Variants in TMTC2 observed in about 807,000 individuals in gnomAD.
The protein encoded by TMTC2 is transmembrane O-mannosyltransferase targeting cadherins 2.
TMTC2 carries 43 observed loss-of-function variants against 82.4 expected under a neutral mutation model. The ratio of observed to expected loss-of-function variants is 0.52; its 90% CI spans 0.41 to 0.67. TMTC2 has a LOEUF of 0.67. TMTC2 is among the 30% of genes least tolerant of loss of function. The probability of loss-of-function intolerance (pLI) is 0.00; values close to 1 mark genes in which losing one functional copy is unlikely to be tolerated. For missense variants in TMTC2, 919 were observed against 1,012.4 expected (o/e 0.91, Z 1.25); for synonymous variants, 408 against 381.9 (o/e 1.07, Z -0.80).
intron 9 of TMTC2, among the ~76,000 whole-genome samples, chr12:83,040,886 G>A (rs1190116537): frequency 6.6e-6 from 1 of 151,852 alleles, no homozygotes. Flanking sequence ...GGGGATCACC[G>A]TGTTAGCCAG....
intron 4 of TMTC2, among the ~76,000 whole-genome samples, chr12:82,954,874 G>C (rs1241014064): frequency 6.6e-6 from 1 of 152,106 alleles, no homozygotes; most frequent in Non-Finnish European, 1.5e-5. Context: ...GTGCTTTTCT[G>C]TTTAATTTTT....
rs1177550441 is a variant in TMTC2 at position 83,067,591 on chromosome 12, T to A, written c.2331+5760T>A. ...AACTTTAGGTAGTAAATTATTTAAG[T>A]TATGGTCATTTGGTTATCTGCTAAT... is the stretch of plus-strand genomic sequence containing the variant. On this transcript the variant is annotated intron_variant, in intron 11 of 11. Coordinates refer to ENST00000321196, the MANE Select transcript of TMTC2 (RefSeq NM_152588.3). Among the ~76,000 whole-genome samples, 3 of 152,114 alleles carry A rather than the reference T, an allele frequency of 2.0e-5. No homozygotes were observed. The East Asian group carries it at 5.8e-4, about 29-fold the overall frequency.
At chr12:82,894,337 G>A (rs906220720) in intron 2 of TMTC2, among the ~76,000 whole-genome samples, 1 of 152,172 alleles carries the variant, frequency 6.6e-6, no homozygotes, top group African/African-American at 2.4e-5. Context: ...AATTAGTTCT[G>A]TGGCTTCCAG....
chr12:82,898,571 G>A (rs995747496), intron 3 of TMTC2, among the ~76,000 whole-genome samples: 3 of 152,134 alleles, frequency 2.0e-5, no homozygotes, highest in Admixed American at 6.6e-5. Flanking sequence ...ATAAGATGGC[G>A]CCATGGGTTC....
rs368564245 is a variant in TMTC2 at position 82,868,678 on chromosome 12, C to T, written c.654+11098C>T. On this transcript the variant is annotated intron_variant, in intron 2 of 11. Transcript: ENST00000321196. The stretch of plus-strand genomic sequence containing the variant: ...AGCAGTAGTTCAGTAACTGCAATAG[C>T]TTGCAGGTTCAAGTCTCTCTCTTTT... Among the ~76,000 whole-genome samples, 39 of 148,024 alleles carry T rather than the reference C, an allele frequency of 2.6e-4. 1 individual carries two copies. In the East Asian group the frequency reaches 7.5e-3, roughly 29 times the overall value.
Position 83,108,946 on chromosome 12 carries a change from A to G in TMTC2, c.2332-23264A>G, listed in dbSNP as rs558970489. Reference sequence around the variant, plus strand: ...GGTACAGTAAGAACTAATATCAGTCACTTTCTTTATTCATTTCACTTCTGT... The same window carrying G: ...GGTACAGTAAGAACTAATATCAGTCGCTTTCTTTATTCATTTCACTTCTGT... On this transcript the variant is annotated intron_variant, in intron 11 of 11. Coordinates refer to ENST00000321196, the MANE Select transcript of TMTC2 (RefSeq NM_152588.3). 1.5e-3 allele frequency among the ~76,000 whole-genome samples: 227 copies of G among 152,266 alleles called. 1 individual carries two copies. The highest frequency in any genetic ancestry group is 5.3e-3 in the African/African-American group (220 of 41,564).
Position 83,114,463 on chromosome 12 carries a change from C to T in TMTC2, c.2332-17747C>T, listed in dbSNP as rs1331148203. On this transcript the variant is annotated intron_variant, in intron 11 of 11. Coordinates refer to ENST00000321196, the MANE Select transcript of TMTC2 (RefSeq NM_152588.3). ...GCCACCCAGTTTTGAATCTCTGTTACAGCAGCCTGAACTGACTGGGAAACC... is the reference window on the plus strand; with the variant it reads ...GCCACCCAGTTTTGAATCTCTGTTATAGCAGCCTGAACTGACTGGGAAACC... 7.2e-5 allele frequency among the ~76,000 whole-genome samples: 11 copies of T among 152,288 alleles called. No homozygotes were observed. In the South Asian group the frequency reaches 2.3e-3, roughly 32 times the overall value.
At chr12:82,826,993 T>C (rs1211863962) in intron 1 of TMTC2, among the ~76,000 whole-genome samples, 1 of 152,194 alleles carries the variant, frequency 6.6e-6, no homozygotes, top group Non-Finnish European at 1.5e-5. Context: ...CTTATTTTAC[T>C]GATTGGAAGG....
chr12:82,854,624 A>G (rs112074950), intron 1 of TMTC2, among the ~76,000 whole-genome samples: 276 of 152,338 alleles, frequency 1.8e-3, no homozygotes, highest in Non-Finnish European at 3.1e-3. Flanking sequence ...ATGCCCAACT[A>G]AAAATTAAAG....
At chr12:82,769,108 T>C (rs1045986386) in intron 1 of TMTC2, among the ~76,000 whole-genome samples, 4 of 150,986 alleles carry the variant, frequency 2.6e-5, no homozygotes, top group Non-Finnish European at 5.9e-5. Flanking sequence ...AGTATGTCTC[T>C]CCTTTTCCCT....
rs1875466548 is a variant in TMTC2 at position 82,742,527 on chromosome 12, T to A, written c.83+54858T>A. Among the ~76,000 whole-genome samples the A allele has an allele frequency of 1.3e-5, 2 of 151,990 alleles. 1 individual carries two copies. Among genetic ancestry groups the A allele is most frequent in the South Asian group, 4.2e-4 (2 of 4,818 alleles). ...CCACTATATCCTGTATATTCTTTTT[T>A]TTTTTTTTTAAGGTGGAGTTTCACT... On this transcript the variant is annotated intron_variant, in intron 1 of 11. Coordinates refer to ENST00000321196, the MANE Select transcript of TMTC2 (RefSeq NM_152588.3).
intron 8 of TMTC2, among the ~76,000 whole-genome samples, chr12:83,020,817 A>T (rs1288404677): frequency 2.6e-5 from 4 of 152,208 alleles, no homozygotes; most frequent in Non-Finnish European, 4.4e-5. Context: ...TGTAGAAAGG[A>T]AATTAAAATG....
intron 2 of TMTC2, among the ~76,000 whole-genome samples, chr12:82,876,028 C>CAGT (rs1872475551): frequency 1.2e-5 from 1 of 83,488 alleles, no homozygotes; most frequent in Non-Finnish European, 2.2e-5. Flanking sequence ...GTAGTGGTGG[C>CAGT]GGTGGTGGTG....
intron 8 of TMTC2, among the ~76,000 whole-genome samples, chr12:82,997,344 G>GTGTATATATATATATATA (rs1565844967): frequency 5.2e-4 from 11 of 21,044 alleles, no homozygotes; most frequent in East Asian, 3.1e-3. Flanking sequence ...GTGTGTGTGT[G>GTGTATATATATATATATA]TGTGTATATA....
intron 1 of TMTC2, among the ~76,000 whole-genome samples, chr12:82,700,483 TAACTG>T (rs1873022285): frequency 6.6e-6 from 1 of 152,182 alleles, no homozygotes; most frequent in Non-Finnish European, 1.5e-5. Context: ...AGATTTAGGG[TAACTG>T]AAAAGATTTC....
At chr12:82,711,340 T>C (rs1433967740) in intron 1 of TMTC2, among the ~76,000 whole-genome samples, 1 of 152,136 alleles carries the variant, frequency 6.6e-6, no homozygotes, top group African/African-American at 2.4e-5. Flanking sequence ...AATAATTATA[T>C]ACATTCAGGG....
intron 11 of TMTC2, among the ~76,000 whole-genome samples, chr12:83,095,666 T>G (rs574251619): frequency 6.6e-6 from 1 of 152,178 alleles, no homozygotes; most frequent in South Asian, 2.1e-4. Flanking sequence ...GCTTTACCAG[T>G]TTATCACAGT....
intron 11 of TMTC2, among the ~76,000 whole-genome samples, chr12:83,075,295 A>G (rs1883249649): frequency 6.6e-6 from 1 of 152,064 alleles, no homozygotes; most frequent in Non-Finnish European, 1.5e-5. Flanking sequence ...GGATTGCTGG[A>G]TTGTTCTTGG....
intron 11 of TMTC2, among the ~76,000 whole-genome samples, chr12:83,076,624 C>T (rs184196205): frequency 1.3e-5 from 2 of 152,318 alleles, no homozygotes; most frequent in East Asian, 3.9e-4. Flanking sequence ...CTTCCCCCAT[C>T]GCCGGTCACC....
Sources: allele counts gnomAD v4.1 joint callset (sites outside exome capture counted in the v4.1 genomes callset), GRCh38; gene constraint gnomAD v4.1.1; transcripts MANE v1.5; gene names NCBI Gene and HGNC (gene_info 2026-07-23, HGNC 2026-07-21).